Variants in SCRG1 observed in about 807,000 individuals in gnomAD.
SCRG1 encodes stimulator of chondrogenesis 1, also known as scrapie-responsive protein 1.
A neutral mutation model predicts 7.7 loss-of-function variants in SCRG1; 3 were observed. That is an observed-to-expected ratio of 0.39 (90% CI 0.18 to 1.01). The LOEUF (loss-of-function observed/expected upper bound fraction) is 1.01. Among genes scored for constraint, SCRG1 ranks in the 50% least tolerant of loss-of-function variants. The probability of loss-of-function intolerance (pLI) is 0.36; values close to 1 mark genes in which losing one functional copy is unlikely to be tolerated. For synonymous variants in SCRG1, 46 were observed against 41.2 expected, an observed-to-expected ratio of 1.12 and a Z score of -0.44; for missense variants, 110 against 117.2, an observed-to-expected ratio of 0.94 and a Z score of 0.28.
At chr4:173,485,647 A>G in the SCRG1 span, among the ~76,000 whole-genome samples, 8 of 152,258 alleles carry the variant, frequency 5.3e-5, no homozygotes, top group Admixed American at 4.6e-4. Flanking sequence ...CTCAAAGATT[A>G]TGAACTACTA....
the SCRG1 span, among the ~76,000 whole-genome samples, chr4:173,432,317 CCCTTCCTT>C: frequency 0.027 from 3,359 of 123,390 alleles, 57 homozygotes; most frequent in Non-Finnish European, 0.039. Flanking sequence ...CTCCCTCCTT[CCCTTCCTT>C]CCTTCCTTCC....
the SCRG1 span, among the ~76,000 whole-genome samples, chr4:173,494,741 C>G: frequency 6.6e-6 from 1 of 152,224 alleles, no homozygotes; most frequent in Non-Finnish European, 1.5e-5. Context: ...ACGCAATTAC[C>G]CTTCTGGGAA....
chr4:173,495,179 T>C, the SCRG1 span, among the ~76,000 whole-genome samples: 1 of 152,364 alleles, frequency 6.6e-6, no homozygotes, highest in Admixed American at 6.5e-5. Flanking sequence ...GTTTTATTAT[T>C]ATACGATATC....
At chr4:173,502,830 C>T in the SCRG1 span, among the ~76,000 whole-genome samples, 1 of 151,146 alleles carries the variant, frequency 6.6e-6, no homozygotes, top group Non-Finnish European at 1.5e-5. The surrounding 1 kb of genome is among the most constrained non-coding windows in gnomAD (Gnocchi z 4.6). Flanking sequence ...TTCCAAGCGT[C>T]TTCCACAGCC....
the SCRG1 span, among the ~76,000 whole-genome samples, chr4:173,458,247 A>G: frequency 1.3e-5 from 2 of 152,212 alleles, no homozygotes; most frequent in African/African-American, 4.8e-5. Context: ...AGAGCATAAA[A>G]ATTAGCCCAG....
chr4:173,452,963 A>AT, the SCRG1 span, among the ~76,000 whole-genome samples: 3 of 152,186 alleles, frequency 2.0e-5, no homozygotes, highest in African/African-American at 7.2e-5. Flanking sequence ...AAGGTCTGAG[A>AT]TTTTTACCCT....
the SCRG1 span, among the ~76,000 whole-genome samples, chr4:173,485,362 G>T: frequency 1.3e-5 from 2 of 149,182 alleles, no homozygotes; most frequent in African/African-American, 2.5e-5. Context: ...TAGCTGTCTT[G>T]CTGGAAACAC....
the SCRG1 span, among the ~76,000 whole-genome samples, chr4:173,490,906 G>T: frequency 6.6e-6 from 1 of 152,108 alleles, no homozygotes; most frequent in African/African-American, 2.4e-5. Flanking sequence ...CCCTCCTGTG[G>T]CTCCTTCTGA....
chr4:173,506,623 G>A, the SCRG1 span, among the ~76,000 whole-genome samples: 39 of 152,226 alleles, frequency 2.6e-4, no homozygotes, highest in South Asian at 6.6e-3. This position sits in a 1 kb window ranked among gnomAD's most constrained non-coding sequence, Gnocchi z 5.3. Flanking sequence ...GGGTAGGGGC[G>A]GGCAGATTTT....
At chr4:173,462,413 G>T in the SCRG1 span, among the ~76,000 whole-genome samples, 1 of 152,116 alleles carries the variant, frequency 6.6e-6, no homozygotes, top group South Asian at 2.1e-4. Context: ...CATATTTAAA[G>T]TGCTGAAGAA....
At position 173,386,301 on chromosome 4, in the gene SCRG1, ATT is replaced by A. The variant is rs11302799; in HGVS notation, c.*2038_*2039del. On this transcript the variant is annotated 3_prime_UTR_variant, in exon 3 of 3. Coordinates refer to ENST00000296506, the MANE Select transcript of SCRG1 (RefSeq NM_007281.4). The stretch of plus-strand genomic sequence containing the variant: ...AGGCGCCTGCCACCACGCCCAGCTA[ATT>A]TTTTTTTTTTTTTTTTTTGTATTTT... 2,417 of 117,060 alleles carry A rather than the reference ATT, an allele frequency of 0.021. 25 individuals are homozygous for A. Among genetic ancestry groups the A allele is most frequent in the East Asian group, 0.043 (172 of 3,992 alleles). 7.3% of individuals were successfully genotyped at this position (117,060 alleles called of 1,614,324 possible). A position where few individuals can be genotyped will look rare whatever the true frequency, so the allele number is the denominator to read the frequency against.
At chr4:173,471,938 A>C in the SCRG1 span, among the ~76,000 whole-genome samples, 76 of 152,058 alleles carry the variant, frequency 5.0e-4, no homozygotes, top group African/African-American at 1.7e-3. Flanking sequence ...CGAGCTCCTG[A>C]CCTCAGGTGA....
the SCRG1 span, among the ~76,000 whole-genome samples, chr4:173,446,885 C>T: frequency 1.1e-4 from 17 of 152,108 alleles, no homozygotes; most frequent in African/African-American, 1.4e-4. Flanking sequence ...GAATGACTGA[C>T]GGACTATGGT....
the SCRG1 span, among the ~76,000 whole-genome samples, chr4:173,485,068 A>AATATATAATATATAATATATTATATG: frequency 1.0e-3 from 10 of 9,892 alleles, no homozygotes; most frequent in African/African-American, 2.4e-3. Context: ...TATATTATAT[A>AATATATAATATATAATATATTATATG]TTATATATTA....
the SCRG1 span, among the ~76,000 whole-genome samples, chr4:173,518,980 G>A: frequency 6.6e-6 from 1 of 151,714 alleles, no homozygotes; most frequent in Non-Finnish European, 1.5e-5. Flanking sequence ...CCTACCCACC[G>A]GGTTGCCTTC....
the SCRG1 span, among the ~76,000 whole-genome samples, chr4:173,441,317 C>G: frequency 6.6e-6 from 1 of 152,252 alleles, no homozygotes; most frequent in East Asian, 1.9e-4. Flanking sequence ...TTTACTTTGT[C>G]TTTTTCCTGT....
At chr4:173,461,177 C>G in the SCRG1 span, among the ~76,000 whole-genome samples, 1 of 152,262 alleles carries the variant, frequency 6.6e-6, no homozygotes, top group Admixed American at 6.5e-5. Flanking sequence ...ACAGGCCTGG[C>G]TGGCTTTGCC....
chr4:173,394,051 GT>G lies in SCRG1; in HGVS notation c.-14-2624del, dbSNP rs201849352. On this transcript the variant is annotated intron_variant, in intron 1 of 2. Transcript: ENST00000296506. ...TGTAGAAATCATATAGTTATATATTGTTTTTTTTTCTTTCTGCTACCCTAAG... is the reference window on the plus strand; with the variant it reads ...TGTAGAAATCATATAGTTATATATTGTTTTTTTTCTTTCTGCTACCCTAAG... Among the ~76,000 whole-genome samples, 5 of 150,316 alleles carry G rather than the reference GT, an allele frequency of 3.3e-5. No homozygotes were observed. The South Asian group carries it at 6.3e-4, about 19-fold the overall frequency.
At chr4:173,454,312 T>C in the SCRG1 span, among the ~76,000 whole-genome samples, 1 of 152,026 alleles carries the variant, frequency 6.6e-6, no homozygotes, top group East Asian at 1.9e-4. Flanking sequence ...CTGGAGAAAC[T>C]TTCCCACTGT....
Sources: gnomAD v4.1 joint callset for allele counts (sites outside exome capture counted in the v4.1 genomes callset) on GRCh38, gnomAD v4.1.1 for gene constraint, Gnocchi (gnomAD v3.1) non-coding constraint, MANE v1.5 for transcripts, NCBI Gene and HGNC (gene_info 2026-07-23, HGNC 2026-07-21) for gene names.